FCHO2: variants seen among roughly 807,000 people sequenced by gnomAD.
FCHO2 encodes the protein F-BAR domain only protein 2.
Under a neutral mutation model 114.1 loss-of-function variants are expected in FCHO2, and 43 were observed. The ratio of observed to expected loss-of-function variants is 0.38; its 90% CI spans 0.30 to 0.49. The LOEUF is 0.49. Ranked by LOEUF, FCHO2 falls within the 20% of genes least tolerant of loss-of-function variation. The probability of loss-of-function intolerance (pLI) is 0.97; values close to 1 mark genes in which losing one functional copy is unlikely to be tolerated. For missense variants in FCHO2, 807 were observed against 950.4 expected (o/e 0.85, Z 1.98); for synonymous variants, 293 against 315.2 (o/e 0.93, Z 0.75).
chr5:73,051,379 A>G lies in FCHO2; in HGVS notation c.970A>G (p.Ser324Gly). The G allele has an allele frequency of 1.3e-6, 2 of 1,535,722 alleles. No individual in the cohort carries two copies. The highest frequency in any genetic ancestry group is 8.8e-7 in the Non-Finnish European group (1 of 1,135,082). The change falls in exon 12 of 26, where the codon AGT (serine) becomes GGT (glycine). Residue 324 changes from serine to glycine, a missense_variant. Coordinates refer to ENST00000430046, the MANE Select transcript of FCHO2 (RefSeq NM_138782.3). ...NIPDVDEEGY[S>G]IKPETNQNDT... ...TCCTGATGTAGATGAAGAAGGCTAC[A>G]GTATTAAACCAGAAACAAATCAGAA...
chr5:73,003,012 T>C (rs952664177), intron 5 of FCHO2, among the ~76,000 whole-genome samples: 4 of 152,140 alleles, frequency 2.6e-5, no homozygotes, highest in African/African-American at 9.7e-5. Context: ...TTTTATGATA[T>C]TTGTTTTTTT....
intron 5 of FCHO2, among the ~76,000 whole-genome samples, chr5:73,000,518 G>A (rs1460192745): frequency 6.8e-6 from 1 of 146,874 alleles, no homozygotes; most frequent in Non-Finnish European, 1.5e-5. Flanking sequence ...GCTCACGCCT[G>A]TAATCCCAGC....
chr5:72,978,382 A>T (rs1254139084), intron 2 of FCHO2, among the ~76,000 whole-genome samples: 6 of 152,072 alleles, frequency 3.9e-5, no homozygotes, highest in Admixed American at 3.3e-4. Context: ...TGTGAATGGG[A>T]GTTCACTCAT....
At chr5:73,001,384 G>A (rs969865521) in intron 5 of FCHO2, among the ~76,000 whole-genome samples, 6 of 149,398 alleles carry the variant, frequency 4.0e-5, no homozygotes, top group African/African-American at 1.5e-4. Flanking sequence ...AGGAGGTTGA[G>A]GCTGCAGTGA....
chr5:72,975,534 C>T (rs948990094), intron 2 of FCHO2, among the ~76,000 whole-genome samples: 20 of 152,030 alleles, frequency 1.3e-4, no homozygotes, highest in Non-Finnish European at 8.8e-5. Context: ...GAGTCTCGCT[C>T]TGTTACCCAG....
At position 73,089,537 on chromosome 5, in the gene FCHO2, C is replaced by T. The variant is rs768076864; in HGVS notation, c.*1447C>T. On this transcript the variant is annotated 3_prime_UTR_variant, in exon 26 of 26. Transcript: ENST00000430046. ...CAATACTAAATAGTAAGAAACCTAA[C>T]TTTAGTAGCAAATCTTGATTAATTG... 1 of 152,364 alleles carries T rather than the reference C, an allele frequency of 6.6e-6. No individual in the cohort carries two copies. The highest frequency in any genetic ancestry group is 1.9e-4 in the East Asian group (1 of 5,198). 9.4% of individuals were successfully genotyped at this position (152,364 alleles called of 1,614,324 possible). A position where few individuals can be genotyped will look rare whatever the true frequency, so the allele number is the denominator to read the frequency against.
intron 11 of FCHO2, among the ~76,000 whole-genome samples, chr5:73,050,294 C>CTATTTATTTATTTATT (rs3054232): frequency 1.4e-3 from 168 of 123,586 alleles, no homozygotes; most frequent in Middle Eastern, 0.011. Flanking sequence ...TAGCTTTCTG[C>CTATTTATTTATTTATT]TATTTATTTA....
intron 5 of FCHO2, among the ~76,000 whole-genome samples, chr5:73,004,047 CAAAAAAAA>C (rs34849736): frequency 1.1e-4 from 3 of 26,498 alleles, no homozygotes; most frequent in African/African-American, 2.9e-4. Context: ...GACTCCATCT[CAAAAAAAA>C]AAAAAAAAAA....
rs116536636 is a variant in FCHO2, at chr5:73,075,107, T to C, written c.1691+254T>C. Reference sequence around the variant, plus strand: ...TACATGTGCACTGAGGATACTTTAGTAAACAAAAGAGTTCTCTCCTGAGCT... The same window carrying C: ...TACATGTGCACTGAGGATACTTTAGCAAACAAAAGAGTTCTCTCCTGAGCT... On this transcript the variant is annotated intron_variant, in intron 20 of 25. Transcript: ENST00000430046. Among the ~76,000 whole-genome samples, 313 of 152,282 alleles carry C rather than the reference T, an allele frequency of 2.1e-3. 3 individuals are homozygous for C. Among genetic ancestry groups the C allele is most frequent in the African/African-American group, 7.3e-3 (303 of 41,570 alleles).
chr5:73,004,554 C>T (rs1489909228), intron 5 of FCHO2, among the ~76,000 whole-genome samples: 2 of 151,952 alleles, frequency 1.3e-5, no homozygotes, highest in Non-Finnish European at 2.9e-5. Flanking sequence ...TAAAAGCAGG[C>T]ACTATTTATT....
rs929167555 is a variant in FCHO2 at position 73,088,297 on chromosome 5, T to G, written c.*207T>G. The G allele has an allele frequency of 1.7e-6, 1 of 591,740 alleles. No individual in the cohort carries two copies. Among genetic ancestry groups the G allele is most frequent in the Non-Finnish European group, 2.9e-6 (1 of 342,934 alleles). 36.7% of individuals were successfully genotyped at this position (591,740 alleles called of 1,614,324 possible). A position where few individuals can be genotyped will look rare whatever the true frequency, so the allele number is the denominator to read the frequency against. On this transcript the variant is annotated 3_prime_UTR_variant, in exon 26 of 26. Transcript: ENST00000430046. The stretch of plus-strand genomic sequence containing the variant: ...ATTCTCTATGTTGTAAATGATCAAC[T>G]ACAATATTCAGGAAGCACATTTATT...
chr5:73,023,000 G>T (rs375947931), intron 8 of FCHO2, among the ~76,000 whole-genome samples: 3 of 152,064 alleles, frequency 2.0e-5, no homozygotes, highest in Admixed American at 6.5e-5. Flanking sequence ...GAAAGGTTCT[G>T]CTTTTGTCAC....
chr5:73,084,076 A>G (rs1305077163), intron 24 of FCHO2, among the ~76,000 whole-genome samples: 1 of 152,152 alleles, frequency 6.6e-6, no homozygotes, highest in Admixed American at 6.5e-5. Context: ...AATGCCAAGG[A>G]AAAGGCTGTC....
At chr5:73,019,436 G>A (rs1243524875) in intron 8 of FCHO2, among the ~76,000 whole-genome samples, 3 of 152,128 alleles carry the variant, frequency 2.0e-5, no homozygotes, top group Non-Finnish European at 2.9e-5. Flanking sequence ...CAGCTACTTG[G>A]GAGGCTGAGG....
At chr5:73,054,597 A>G (rs1346559175) in intron 15 of FCHO2, 48 bp downstream of exon 15, 3 of 1,391,828 alleles carry the variant, frequency 2.2e-6, no homozygotes, top group Admixed American at 2.1e-5. Flanking sequence ...TAAAATTTAT[A>G]AGGCAATTTG....
At chr5:73,004,497 A>C (rs973719149) in intron 5 of FCHO2, among the ~76,000 whole-genome samples, 2 of 152,194 alleles carry the variant, frequency 1.3e-5, no homozygotes, top group East Asian at 3.8e-4. Flanking sequence ...TTACAGCAAA[A>C]TATCATGATG....
chr5:73,068,110 A>G (rs1205845194), intron 18 of FCHO2, among the ~76,000 whole-genome samples: 2 of 152,106 alleles, frequency 1.3e-5, no homozygotes, highest in South Asian at 2.1e-4. Context: ...AAATATTTGC[A>G]AGAAAATAAG....
At chr5:72,968,234 T>C (rs1752313234) in intron 1 of FCHO2, among the ~76,000 whole-genome samples, 1 of 152,204 alleles carries the variant, frequency 6.6e-6, no homozygotes, top group Non-Finnish European at 1.5e-5. Context: ...ACAACTTAAT[T>C]TTATTAATTG....
chr5:72,998,040 C>G, intron 5 of FCHO2, among the ~76,000 whole-genome samples: 1 of 144,294 alleles, frequency 6.9e-6, no homozygotes. Context: ...AACTCTTGTA[C>G]AAAACTGAAA....
Sources: allele counts gnomAD v4.1 joint callset (sites outside exome capture counted in the v4.1 genomes callset), GRCh38; gene constraint gnomAD v4.1.1; transcripts MANE v1.5; gene names NCBI Gene and HGNC (gene_info 2026-07-23, HGNC 2026-07-21).